The following ITPKB variants were observed in gnomAD, a reference collection of about 807,000 sequenced individuals.
ITPKB encodes inositol-trisphosphate 3-kinase B, also known as IP3 3-kinase B.
In ITPKB, 13 loss-of-function variants were observed where a neutral mutation model predicts 69.4. The ratio of observed to expected loss-of-function variants is 0.19; its 90% CI spans 0.12 to 0.30. ITPKB has a LOEUF of 0.30. Ranked by LOEUF, ITPKB falls within the 10% of genes least tolerant of loss-of-function variation. The pLI, the probability that ITPKB is intolerant of heterozygous loss-of-function variation, is 1.00. For missense variants in ITPKB, 1,240 were observed against 1,250.5 expected (o/e 0.99, Z 0.13); for synonymous variants, 584 against 513.7 (o/e 1.14, Z -1.85).
intron 2 of ITPKB, among the ~76,000 whole-genome samples, chr1:226,724,978 C>G (rs1195530511): frequency 6.6e-6 from 1 of 152,200 alleles, no homozygotes; most frequent in Admixed American, 6.5e-5. Flanking sequence ...ACAGAGGGAG[C>G]AAATTCCTCA....
At chr1:226,702,105 G>T (rs1656682207) in intron 2 of ITPKB, among the ~76,000 whole-genome samples, 1 of 152,080 alleles carries the variant, frequency 6.6e-6, no homozygotes, top group African/African-American at 2.4e-5. Flanking sequence ...CAAGAGAAAA[G>T]TTCAACTTGG....
chr1:226,702,623 T>C lies in ITPKB; in HGVS notation c.1932+32904A>G, dbSNP rs543960497. Among the ~76,000 whole-genome samples, 4 of 152,292 alleles carry C rather than the reference T, an allele frequency of 2.6e-5. No homozygotes were observed. In the South Asian group the frequency reaches 8.3e-4, roughly 32 times the overall value. ...AAGGGACTAGATTTAATCCAATCATTTGGCTCCAAGAAATGCACGAAATAC... is the reference window on the plus strand; with the variant it reads ...AAGGGACTAGATTTAATCCAATCATCTGGCTCCAAGAAATGCACGAAATAC... On this transcript the variant is annotated intron_variant, in intron 2 of 7. Coordinates refer to ENST00000429204, the MANE Select transcript of ITPKB (RefSeq NM_002221.4).
At chr1:226,635,870 C>A (rs1213697787) in intron 7 of ITPKB, among the ~76,000 whole-genome samples, 1 of 152,268 alleles carries the variant, frequency 6.6e-6, no homozygotes, top group Non-Finnish European at 1.5e-5. Flanking sequence ...GCCACACATA[C>A]CCCTGCATCA....
rs140633316 is a variant in ITPKB, at chr1:226,674,540, G to T, written c.1933-25769C>A. Among the ~76,000 whole-genome samples the T allele has an allele frequency of 4.9e-3, 751 of 152,164 alleles. 16 individuals carry two copies. The East Asian group carries it at 0.055, about 11-fold the overall frequency. ...TTAGAGACGGGGTTTCACTATGTTG[G>T]CCAGGCTGGTCTCGAACTTCTGACC... On this transcript the variant is annotated intron_variant, in intron 2 of 7. Coordinates refer to ENST00000429204, the MANE Select transcript of ITPKB (RefSeq NM_002221.4).
chr1:226,638,719 G>A (rs1218400647), intron 6 of ITPKB, among the ~76,000 whole-genome samples: 1 of 152,100 alleles, frequency 6.6e-6, no homozygotes, highest in Non-Finnish European at 1.5e-5. Context: ...GAGACAGCTC[G>A]CCAGCTCTTG....
intron 2 of ITPKB, among the ~76,000 whole-genome samples, chr1:226,672,556 C>T (rs561685490): frequency 2.0e-5 from 3 of 152,348 alleles, no homozygotes; most frequent in Admixed American, 1.3e-4. Context: ...CACCTTGGCT[C>T]AGATATTAGG....
chr1:226,701,379 C>A (rs181883433), intron 2 of ITPKB, among the ~76,000 whole-genome samples: 1 of 151,562 alleles, frequency 6.6e-6, no homozygotes, highest in Admixed American at 6.6e-5. Flanking sequence ...CCGAGGCAGG[C>A]GGATCACGAG....
intron 2 of ITPKB, among the ~76,000 whole-genome samples, chr1:226,651,910 C>A (rs1669201614): frequency 6.6e-6 from 1 of 152,232 alleles, no homozygotes; most frequent in Non-Finnish European, 1.5e-5. Context: ...TCCTCCATTT[C>A]TTCACCATGA....
chr1:226,737,297 G>C lies in ITPKB; in HGVS notation c.162C>G (p.Ala54=), dbSNP rs747316948. The C allele has an allele frequency of 6.4e-7, 1 of 1,567,616 alleles. No individual in the cohort carries two copies. Among genetic ancestry groups the C allele is most frequent in the Non-Finnish European group, 8.6e-7 (1 of 1,164,204 alleles). ...ACTCGGCTGGGGGGAAGAGGAAAGA[G>C]GCGCCTCTCCCGGGGCTGAAAACGC... ...PGSVFSPGRG[A]SFLFPPAESL... Residue 54 remains alanine, a synonymous_variant, in exon 2 of 8, where the codon GCC becomes GCG. Coordinates refer to ENST00000429204, the MANE Select transcript of ITPKB (RefSeq NM_002221.4).
chr1:226,726,389 T>C (rs1196736629), intron 2 of ITPKB, among the ~76,000 whole-genome samples: 1 of 152,216 alleles, frequency 6.6e-6, no homozygotes, highest in African/African-American at 2.4e-5. Flanking sequence ...CCAGGCTCAG[T>C]GGCTCCCAGC....
intron 2 of ITPKB, chr1:226,707,889 C>T (rs1451160097): frequency 3.0e-6 from 4 of 1,325,016 alleles, no homozygotes; most frequent in Non-Finnish European, 4.0e-6. Context: ...AGCAGTACCA[C>T]TGAGGGGAAC....
Position 226,717,897 on chromosome 1 carries a change from T to A in ITPKB, c.1932+17630A>T, listed in dbSNP as rs578010661. Among the ~76,000 whole-genome samples, 4 of 152,350 alleles carry A rather than the reference T, an allele frequency of 2.6e-5. No individual in the cohort carries two copies. In the East Asian group the frequency reaches 7.7e-4, roughly 29 times the overall value. On this transcript the variant is annotated intron_variant, in intron 2 of 7. Transcript: ENST00000429204. ...CCAAGGCTTTTGACACCCTGCCCGT[T>A]TTTATAGCACCTCTGTGGAATTGTT...
intron 2 of ITPKB, among the ~76,000 whole-genome samples, chr1:226,689,792 C>T (rs1571859876): frequency 1.3e-5 from 2 of 152,086 alleles, no homozygotes; most frequent in Admixed American, 1.3e-4. Flanking sequence ...TTCAAAAGGC[C>T]CCAGTATCTG....
Position 226,634,371 on chromosome 1 carries a change from T to C in ITPKB, c.*300A>G. On this transcript the variant is annotated 3_prime_UTR_variant, in exon 8 of 8. Coordinates refer to ENST00000429204, the MANE Select transcript of ITPKB (RefSeq NM_002221.4). The surrounding 1 kb of genome is among the most constrained non-coding windows in gnomAD (Gnocchi z 6.3). ...AGGGGGCTCCCAGAGGCAGGGCTCA[T>C]CTGGTAGGGTCCCCTCAGCAGCCAG... is the stretch of plus-strand genomic sequence containing the variant. The C allele has an allele frequency of 2.7e-6, 1 of 375,904 alleles. No individual in the cohort carries two copies. Among genetic ancestry groups the C allele is most frequent in the South Asian group, 3.2e-5 (1 of 31,478 alleles). The allele number at this position is 375,904 out of a possible 1,614,324, so 23.3% of individuals were successfully genotyped here.
At chr1:226,722,995 T>C (rs1657290911) in intron 2 of ITPKB, among the ~76,000 whole-genome samples, 1 of 150,142 alleles carries the variant, frequency 6.7e-6, no homozygotes, top group South Asian at 2.1e-4. Flanking sequence ...TCACACATCC[T>C]GTGTGTAGCA....
chr1:226,728,200 A>G (rs777066578), intron 2 of ITPKB, among the ~76,000 whole-genome samples: 8 of 152,210 alleles, frequency 5.3e-5, no homozygotes, highest in Non-Finnish European at 1.2e-4. Flanking sequence ...AAAACTTACC[A>G]GCTGATGTGG....
intron 2 of ITPKB, among the ~76,000 whole-genome samples, chr1:226,721,998 A>G (rs1657257746): frequency 6.6e-6 from 1 of 150,830 alleles, no homozygotes; most frequent in South Asian, 2.1e-4. Flanking sequence ...TTTTTAGTAG[A>G]TACGGGATTT....
chr1:226,679,734 T>A (rs1399691556), intron 2 of ITPKB, among the ~76,000 whole-genome samples: 1 of 152,262 alleles, frequency 6.6e-6, no homozygotes, highest in Non-Finnish European at 1.5e-5. Context: ...GTGATTTTCA[T>A]TTCTTTATAG....
chr1:226,712,029 A>G (rs1009273125), intron 2 of ITPKB, among the ~76,000 whole-genome samples: 5 of 152,190 alleles, frequency 3.3e-5, no homozygotes, highest in Non-Finnish European at 4.4e-5. Flanking sequence ...GAGCTCCGGG[A>G]GAAGGGCTTC....
Sources: gnomAD v4.1 joint callset for allele counts (sites outside exome capture counted in the v4.1 genomes callset) on GRCh38, gnomAD v4.1.1 for gene constraint, Gnocchi (gnomAD v3.1) non-coding constraint, MANE v1.5 for transcripts, NCBI Gene and HGNC (gene_info 2026-07-23, HGNC 2026-07-21) for gene names.